The following GRIN2B variants were observed in gnomAD, a reference collection of about 807,000 sequenced individuals.
GRIN2B encodes the protein glutamate receptor ionotropic, NMDA 2B.
In GRIN2B, 5 loss-of-function variants were observed where a neutral mutation model predicts 114.5. The ratio of observed to expected loss-of-function variants is 0.04; its 90% CI spans 0.02 to 0.09. The LOEUF is 0.09. Among genes scored for constraint, GRIN2B ranks in the 10% least tolerant of loss-of-function variants. The pLI is 1.00. For missense variants in GRIN2B, 1,108 were observed against 1,943.5 expected, an observed-to-expected ratio of 0.57 and a Z score of 8.08; for synonymous variants, 787 against 745.1, an observed-to-expected ratio of 1.06 and a Z score of -0.92.
chr12:13,629,157 TTAACAA>T (rs1168732837), intron 5 of GRIN2B, among the ~76,000 whole-genome samples: 1 of 152,188 alleles, frequency 6.6e-6, no homozygotes, highest in Admixed American at 6.5e-5. Context: ...GACTAAATAC[TTAACAA>T]TAACACTCAC....
At chr12:13,671,068 T>C (rs1033861495) in intron 5 of GRIN2B, among the ~76,000 whole-genome samples, 5 of 152,178 alleles carry the variant, frequency 3.3e-5, no homozygotes, top group Admixed American at 1.3e-4. Context: ...GGGAACAGCA[T>C]TGCTCTGGAG....
In GRIN2B at chr12:13,788,121, C is replaced by T. The variant is rs144994916; in HGVS notation, c.412-34206G>A. On this transcript the variant is annotated intron_variant, in intron 3 of 13. Transcript: ENST00000609686. The stretch of plus-strand genomic sequence containing the variant: ...GGTTCCATCTGAATAGCTTATGTGG[C>T]AGGTAGAGGGAGGCTCAAGTGGGAG... Among the ~76,000 whole-genome samples, 46 of 152,232 alleles carry T rather than the reference C, an allele frequency of 3.0e-4. No homozygotes were observed. The Middle Eastern group carries it at 0.014, about 45-fold the overall frequency.
At chr12:13,738,347 T>G (rs1214519608) in intron 4 of GRIN2B, among the ~76,000 whole-genome samples, 1 of 152,252 alleles carries the variant, frequency 6.6e-6, no homozygotes, top group Non-Finnish European at 1.5e-5. Flanking sequence ...CACATCAAAT[T>G]TGAAACTTCA....
chr12:13,538,494 A>C lies in GRIN2B; in HGVS notation c.*24289T>G, dbSNP rs745518707. 4 of 152,204 alleles carry C rather than the reference A, an allele frequency of 2.6e-5. No homozygotes were observed. The highest frequency in any genetic ancestry group is 5.9e-5 in the Non-Finnish European group (4 of 68,030). 9.4% of individuals were successfully genotyped at this position (152,204 alleles called of 1,614,324 possible). ...ACTGGAGGTTCCCACCATAATCCAG[A>C]TAAATACTCGCAAGCTTCCTTATTT... On this transcript the variant is annotated 3_prime_UTR_variant, in exon 14 of 14. Coordinates refer to ENST00000609686, the MANE Select transcript of GRIN2B (RefSeq NM_000834.5).
chr12:13,821,317 C>G (rs1265457641), intron 3 of GRIN2B, among the ~76,000 whole-genome samples: 2 of 152,194 alleles, frequency 1.3e-5, no homozygotes, highest in African/African-American at 2.4e-5. Context: ...GATCCCAGGA[C>G]AGAGGGCTCT....
intron 2 of GRIN2B, among the ~76,000 whole-genome samples, chr12:13,867,528 C>T (rs976004830): frequency 3.9e-5 from 6 of 152,182 alleles, no homozygotes; most frequent in African/African-American, 7.2e-5. Flanking sequence ...AACAAAAGCA[C>T]ATATTTACTG....
intron 3 of GRIN2B, among the ~76,000 whole-genome samples, chr12:13,832,368 T>C (rs1352759554): frequency 6.6e-6 from 1 of 152,142 alleles, no homozygotes; most frequent in Non-Finnish European, 1.5e-5. Context: ...CTCACCCTTA[T>C]CCTCTGAAAT....
chr12:13,650,145 T>C (rs1389377046), intron 5 of GRIN2B, among the ~76,000 whole-genome samples: 1 of 151,894 alleles, frequency 6.6e-6, no homozygotes, highest in Non-Finnish European at 1.5e-5. Context: ...CCCTCCAGAG[T>C]CTAGGCATTT....
chr12:13,961,066 A>G (rs1256523298), intron 2 of GRIN2B, among the ~76,000 whole-genome samples: 1 of 151,706 alleles, frequency 6.6e-6, no homozygotes, highest in African/African-American at 2.4e-5. Context: ...GGGCTCTGGA[A>G]GAAAGGATTC....
chr12:13,709,209 G>A (rs1192908861), intron 4 of GRIN2B, among the ~76,000 whole-genome samples: 1 of 151,976 alleles, frequency 6.6e-6, no homozygotes, highest in Admixed American at 6.6e-5. Flanking sequence ...ACCAAACTGA[G>A]TGGCTTTAAA....
rs542304733 is a variant in GRIN2B, at chr12:13,756,584, C to G, written c.412-2669G>C. ...TATTATCACATGAGCTTCCACAAGC[C>G]CAGTGGTTATAGCAAAGTGAAGAAA... On this transcript the variant is annotated intron_variant, in intron 3 of 13. Coordinates refer to ENST00000609686, the MANE Select transcript of GRIN2B (RefSeq NM_000834.5). Among the ~76,000 whole-genome samples, 14 of 152,204 alleles carry G rather than the reference C, an allele frequency of 9.2e-5. No individual in the cohort carries two copies. In the East Asian group the frequency reaches 2.7e-3, roughly 29 times the overall value.
chr12:13,716,696 T>C (rs1426224394), intron 4 of GRIN2B, among the ~76,000 whole-genome samples: 1 of 151,978 alleles, frequency 6.6e-6, no homozygotes, highest in Non-Finnish European at 1.5e-5. Flanking sequence ...GATTAATCTG[T>C]CCTCTGAGAG....
chr12:13,860,537 A>G (rs1448669251), intron 3 of GRIN2B, among the ~76,000 whole-genome samples: 2 of 152,030 alleles, frequency 1.3e-5, no homozygotes, highest in Non-Finnish European at 2.9e-5. Context: ...GTTGGCCAGA[A>G]TGGTCTCGAA....
intron 5 of GRIN2B, among the ~76,000 whole-genome samples, chr12:13,633,398 G>T (rs1030165128): frequency 1.2e-4 from 19 of 152,210 alleles, no homozygotes; most frequent in African/African-American, 4.6e-4. Context: ...TTTTCCAAAA[G>T]TGAGTCTTTG....
chr12:13,650,778 T>C (rs1461284820), intron 5 of GRIN2B, among the ~76,000 whole-genome samples: 2 of 152,220 alleles, frequency 1.3e-5, no homozygotes, highest in East Asian at 1.9e-4. Context: ...TGTATAATTA[T>C]ATTGTATAAT....
chr12:13,645,077 T>C (rs1345281611), intron 5 of GRIN2B, among the ~76,000 whole-genome samples: 2 of 152,146 alleles, frequency 1.3e-5, no homozygotes, highest in Non-Finnish European at 2.9e-5. Context: ...CTAATTGTTT[T>C]GTACAAGAGA....
At position 13,585,565 on chromosome 12, in the gene GRIN2B, C is replaced by T. The variant is rs547353272; in HGVS notation, c.2011-13601G>A. On this transcript the variant is annotated intron_variant, in intron 10 of 13. Coordinates refer to ENST00000609686, the MANE Select transcript of GRIN2B (RefSeq NM_000834.5). ...ACTGCATGCCCCTCGGGGTTCACAA[C>T]GGACCATCACAGGAGAGGACTCGAA... Among the ~76,000 whole-genome samples the T allele has an allele frequency of 1.5e-3, 236 of 152,286 alleles. 1 individual carries two copies. The highest frequency in any genetic ancestry group is 5.6e-3 in the South Asian group (27 of 4,824).
Position 13,567,142 on chromosome 12 carries a change from C to T in GRIN2B, c.2481G>A (p.Ala827=), listed in dbSNP as rs189384622. Residue 827 remains alanine (A), a synonymous_variant, in exon 13 of 14, where the codon GCG becomes GCA. Transcript: ENST00000609686. ...AGGTGATGAGGCTGAGAGCCATGGC[C>T]GCCCCCAACATGTAGAAGACCCCTG... The part of the protein sequence containing the change: ...NMAGVFYMLG[A]AMALSLITFI... 1.7e-4 allele frequency: 277 copies of T among 1,614,010 alleles called. 1 individual carries two copies. Among genetic ancestry groups the T allele is most frequent in the East Asian group, 3.8e-4 (17 of 44,884 alleles).
Position 13,543,612 on chromosome 12 carries a change from A to T in GRIN2B, c.*19171T>A, listed in dbSNP as rs1032041082. 2.6e-5 allele frequency: 4 copies of T among 152,152 alleles called. No individual in the cohort carries two copies. The highest frequency in any genetic ancestry group is 9.7e-5 in the African/African-American group (4 of 41,430). 9.4% of individuals were successfully genotyped at this position (152,152 alleles called of 1,614,324 possible). A position where few individuals can be genotyped will look rare whatever the true frequency, so the allele number is the denominator to read the frequency against. ...TAAACTCATAATCATAAAAACTCAA[A>T]TAATTCCTTTATGCCCCCTAGCATG... is the stretch of plus-strand genomic sequence containing the variant. On this transcript the variant is annotated 3_prime_UTR_variant, in exon 14 of 14. Coordinates refer to ENST00000609686, the MANE Select transcript of GRIN2B (RefSeq NM_000834.5).
Sources: gnomAD v4.1 joint callset for allele counts (sites outside exome capture counted in the v4.1 genomes callset) on GRCh38, gnomAD v4.1.1 for gene constraint, MANE v1.5 for transcripts, NCBI Gene and HGNC (gene_info 2026-07-23, HGNC 2026-07-21) for gene names.